The following RABGAP1L variants were observed in gnomAD, a reference collection of about 807,000 sequenced individuals.
RABGAP1L encodes the protein RAB GTPase activating protein 1 like.
RABGAP1L carries 63 observed loss-of-function variants against 137.7 expected under a neutral mutation model. The ratio of observed to expected loss-of-function variants is 0.46; its 90% CI spans 0.37 to 0.56. The LOEUF (loss-of-function observed/expected upper bound fraction) is 0.56, where lower values mean the gene tolerates loss of function less well. Ranked by LOEUF, RABGAP1L falls within the 20% of genes least tolerant of loss-of-function variation. RABGAP1L has a pLI of 0.00. For missense variants in RABGAP1L, 1,095 were observed against 1,244.0 expected, an observed-to-expected ratio of 0.88 and a Z score of 1.80; for synonymous variants, 431 against 433.7, an observed-to-expected ratio of 0.99 and a Z score of 0.08.
Position 174,396,651 on chromosome 1 carries a change from C to T in RABGAP1L, c.1710+2506C>T, listed in dbSNP as rs144641033. On this transcript the variant is annotated intron_variant, in intron 13 of 25. Coordinates refer to ENST00000681986, the MANE Select transcript of RABGAP1L (RefSeq NM_001366446.1). ...TGGGGTAGGAGGTAACTGCCATACC[C>T]CTTTTTTCACTAAGAGGCTTTCATA... 5.1e-4 allele frequency among the ~76,000 whole-genome samples: 78 copies of T among 151,844 alleles called. 1 individual carries two copies. In the East Asian group the frequency reaches 0.014, roughly 28 times the overall value.
At chr1:174,251,578 C>T (rs202075024) in intron 6 of RABGAP1L, among the ~76,000 whole-genome samples, 1 of 151,368 alleles carries the variant, frequency 6.6e-6, no homozygotes, top group East Asian at 1.9e-4. Flanking sequence ...TTAGATAAGA[C>T]AAGCCATATT....
chr1:174,939,667 C>G (rs1665517199), intron 19 of RABGAP1L, among the ~76,000 whole-genome samples: 1 of 152,160 alleles, frequency 6.6e-6, no homozygotes, highest in African/African-American at 2.4e-5. Flanking sequence ...AATTGCCCCA[C>G]AGAACAGAGG....
intron 11 of RABGAP1L, among the ~76,000 whole-genome samples, chr1:174,354,818 A>G (rs1048219937): frequency 6.6e-6 from 1 of 152,194 alleles, no homozygotes; most frequent in South Asian, 2.1e-4. Context: ...TCTTTAATCC[A>G]TCTTGAATTA....
At chr1:174,387,670 T>C (rs186074887) in intron 12 of RABGAP1L, among the ~76,000 whole-genome samples, 1 of 152,124 alleles carries the variant, frequency 6.6e-6, no homozygotes, top group African/African-American at 2.4e-5. Context: ...TGTACAGAGA[T>C]GAGGCTCCAA....
intron 21 of RABGAP1L, among the ~76,000 whole-genome samples, chr1:174,974,555 A>G (rs1169191498): frequency 1.3e-5 from 2 of 152,118 alleles, no homozygotes; most frequent in Non-Finnish European, 2.9e-5. Flanking sequence ...CTCAAGGTCT[A>G]CCTCTCATTT....
At chr1:174,721,258 G>A (rs1572923626) in intron 17 of RABGAP1L, among the ~76,000 whole-genome samples, 2 of 152,116 alleles carry the variant, frequency 1.3e-5, no homozygotes, top group East Asian at 1.9e-4. Flanking sequence ...ACAAGAAGAC[G>A]GCCATACATA....
intron 17 of RABGAP1L, among the ~76,000 whole-genome samples, chr1:174,733,809 A>G (rs1485705383): frequency 1.3e-5 from 2 of 152,162 alleles, no homozygotes; most frequent in Non-Finnish European, 2.9e-5. Flanking sequence ...CACTCTAGAG[A>G]AAAGGAGTCA....
intron 7 of RABGAP1L, among the ~76,000 whole-genome samples, chr1:174,259,593 C>T (rs1370865236): frequency 6.6e-6 from 1 of 152,144 alleles, no homozygotes; most frequent in Non-Finnish European, 1.5e-5. Context: ...AATAACTGCA[C>T]ATTGCACCAA....
intron 17 of RABGAP1L, among the ~76,000 whole-genome samples, chr1:174,729,330 G>A (rs1281141496): frequency 6.6e-6 from 1 of 152,122 alleles, no homozygotes; most frequent in Non-Finnish European, 1.5e-5. Context: ...ATTAACTCAA[G>A]AAGGATTAAA....
At chr1:174,531,682 T>G (rs1664420737) in intron 13 of RABGAP1L, among the ~76,000 whole-genome samples, 1 of 144,076 alleles carries the variant, frequency 6.9e-6, no homozygotes, top group Non-Finnish European at 1.5e-5. Flanking sequence ...GTAGTGTGCT[T>G]TAATCACACC....
chr1:174,774,584 A>G (rs543110170), intron 18 of RABGAP1L, among the ~76,000 whole-genome samples: 1 of 152,194 alleles, frequency 6.6e-6, no homozygotes, highest in South Asian at 2.1e-4. Context: ...GAGAGTGCAT[A>G]AAAGAGAAAC....
intron 17 of RABGAP1L, among the ~76,000 whole-genome samples, chr1:174,735,510 C>A: frequency 6.8e-6 from 1 of 147,644 alleles, no homozygotes; most frequent in Non-Finnish European, 1.5e-5. Context: ...ACTTTTGGAG[C>A]CCAAGGCAGG....
chr1:174,474,005 A>G (rs1658228549), intron 13 of RABGAP1L, among the ~76,000 whole-genome samples: 1 of 152,198 alleles, frequency 6.6e-6, no homozygotes, highest in African/African-American at 2.4e-5. Context: ...CGTTTTATAT[A>G]AACATAGTGC....
rs1470257010 is a variant in RABGAP1L, at chr1:174,669,177, A to G, written c.1825-14345A>G. Among the ~76,000 whole-genome samples, 5 of 152,130 alleles carry G rather than the reference A, an allele frequency of 3.3e-5. No individual in the cohort carries two copies. In the East Asian group the frequency reaches 9.6e-4, roughly 29 times the overall value. On this transcript the variant is annotated intron_variant, in intron 14 of 25. Coordinates refer to ENST00000681986, the MANE Select transcript of RABGAP1L (RefSeq NM_001366446.1). ...AGGGGAAGCAAGGCACCTTCTTCAC[A>G]GGGCGGCAAGAAGGAGAATGAATGC...
At chr1:174,671,498 T>A (rs1677174678) in intron 14 of RABGAP1L, among the ~76,000 whole-genome samples, 1 of 152,220 alleles carries the variant, frequency 6.6e-6, no homozygotes, top group South Asian at 2.1e-4. Context: ...ACATCTAATT[T>A]GAGAGTTTTA....
intron 13 of RABGAP1L, among the ~76,000 whole-genome samples, chr1:174,550,161 C>T (rs552023082): frequency 2.6e-5 from 4 of 152,154 alleles, no homozygotes; most frequent in East Asian, 1.9e-4. Context: ...AGAATTATAC[C>T]TCCACAAATA....
chr1:174,628,323 C>G (rs994893704), intron 13 of RABGAP1L, among the ~76,000 whole-genome samples: 44 of 152,012 alleles, frequency 2.9e-4, no homozygotes, highest in African/African-American at 9.2e-4. Context: ...CATAATGTAA[C>G]AGAAAACAGT....
intron 4 of RABGAP1L, among the ~76,000 whole-genome samples, chr1:174,232,852 AT>A (rs1670798221): frequency 6.6e-6 from 1 of 151,754 alleles, no homozygotes; most frequent in African/African-American, 2.4e-5. Context: ...AATCCTTATC[AT>A]GGTTAGGCAC....
chr1:174,241,361 A>T (rs1376743052), intron 4 of RABGAP1L, 122 bp from the exon 5 acceptor site: 1 of 594,984 alleles, frequency 1.7e-6, no homozygotes, highest in African/African-American at 1.9e-5. Flanking sequence ...TATTTTATAT[A>T]TCATATATTG....
Sources: allele counts gnomAD v4.1 joint callset (sites outside exome capture counted in the v4.1 genomes callset), GRCh38; gene constraint gnomAD v4.1.1; transcripts MANE v1.5; gene names NCBI Gene and HGNC (gene_info 2026-07-23, HGNC 2026-07-21).